NOX4: variants seen among roughly 807,000 people sequenced by gnomAD.
The protein encoded by NOX4 is NADPH oxidase 4.
Under a neutral mutation model 87.6 loss-of-function variants are expected in NOX4, and 69 were observed. The ratio of observed to expected loss-of-function variants is 0.79; its 90% confidence interval spans 0.65 to 0.96. The LOEUF is 0.96. Ranked by LOEUF, NOX4 falls within the 40% of genes least tolerant of loss-of-function variation. NOX4 has a pLI of 0.00. For synonymous variants in NOX4, 275 were observed against 238.2 expected (o/e 1.15, Z -1.42); for missense variants, 680 against 681.5 (o/e 1.00, Z 0.02).
chr11:89,544,098 T>C, the NOX4 span, among the ~76,000 whole-genome samples: 1 of 152,090 alleles, frequency 6.6e-6, no homozygotes, highest in African/African-American at 2.4e-5. Flanking sequence ...TTAAACCCTG[T>C]GTTGGTAAAA....
At chr11:89,502,157 G>T (rs1947029135), upstream of NOX4, among the ~76,000 whole-genome samples, 1 of 151,666 alleles carries the variant, frequency 6.6e-6, no homozygotes, top group South Asian at 2.1e-4. Flanking sequence ...GAAAGATGAG[G>T]GTGCATGGAC....
intron 8 of NOX4, among the ~76,000 whole-genome samples, chr11:89,409,998 G>T (rs976103106): frequency 5.3e-5 from 8 of 152,106 alleles, no homozygotes; most frequent in Admixed American, 4.6e-4. Flanking sequence ...GAGCTGGGAG[G>T]ATTACTTGAG....
chr11:89,401,768 A>G (rs1941868116), intron 9 of NOX4, among the ~76,000 whole-genome samples: 1 of 152,148 alleles, frequency 6.6e-6, no homozygotes, highest in Non-Finnish European at 1.5e-5. Context: ...TCTTTATCAG[A>G]AAATCGAGGG....
At chr11:89,565,871 A>G in the NOX4 span, among the ~76,000 whole-genome samples, 1 of 152,066 alleles carries the variant, frequency 6.6e-6, no homozygotes, top group Non-Finnish European at 1.5e-5. Flanking sequence ...ATAAAAGTAA[A>G]TTACATTAAT....
intron 6 of NOX4, among the ~76,000 whole-genome samples, chr11:89,439,661 T>G (rs1944371117): frequency 6.6e-6 from 1 of 152,186 alleles, no homozygotes; most frequent in Admixed American, 6.6e-5. Context: ...CCCTGAAATA[T>G]GTGCTAAAAA....
intron 13 of NOX4, among the ~76,000 whole-genome samples, chr11:89,351,789 T>A (rs1379458565): frequency 2.0e-5 from 3 of 152,068 alleles, no homozygotes; most frequent in African/African-American, 7.2e-5. Context: ...CTATCCAAAG[T>A]GTTACTACTC....
chr11:89,490,932 C>T (rs1946826864), intron 1 of NOX4: 2 of 697,134 alleles, frequency 2.9e-6, no homozygotes, highest in Non-Finnish European at 2.6e-6. Flanking sequence ...GCTGTATTCA[C>T]GGAAAATGAC....
chr11:89,356,116 T>G (rs984138669), intron 12 of NOX4, among the ~76,000 whole-genome samples: 4 of 152,092 alleles, frequency 2.6e-5, no homozygotes, highest in African/African-American at 7.2e-5. Flanking sequence ...TATTTAAGTA[T>G]GATATATATG....
At chr11:89,502,361 T>G (rs1453917354), upstream of NOX4, among the ~76,000 whole-genome samples, 1 of 152,056 alleles carries the variant, frequency 6.6e-6, no homozygotes, top group Non-Finnish European at 1.5e-5. Flanking sequence ...TGGGTTAAAC[T>G]TTCTAGTCTT....
At chr11:89,447,967 T>A (rs551282780) in intron 4 of NOX4, among the ~76,000 whole-genome samples, 4 of 152,112 alleles carry the variant, frequency 2.6e-5, no homozygotes, top group Non-Finnish European at 4.4e-5. Flanking sequence ...TTTTACCAAG[T>A]TAAAAGTAAA....
In NOX4 at chr11:89,325,921, G is replaced by GTATATATATA. The variant is rs1162965181; in HGVS notation, c.*834_*835insTATATATATA. The GTATATATATA allele has an allele frequency of 1.4e-5, 2 of 147,776 alleles. No individual in the cohort carries two copies. The highest frequency in any genetic ancestry group is 3.0e-5 in the Non-Finnish European group (2 of 67,142). The allele number at this position is 147,776 out of a possible 1,614,324, so 9.2% of individuals were successfully genotyped here. ...TATATATATATATATGTGTGTGTGT[G>GTATATATATA]TGTATATATATATGTGTATATACAT... On this transcript the variant is annotated 3_prime_UTR_variant, in exon 18 of 18. Coordinates refer to ENST00000263317, the MANE Select transcript of NOX4 (RefSeq NM_016931.5).
At chr11:89,578,678 T>G in the NOX4 span, among the ~76,000 whole-genome samples, 4 of 152,168 alleles carry the variant, frequency 2.6e-5, no homozygotes, top group Admixed American at 2.6e-4. Context: ...CCTCAATTAA[T>G]GTTGAATTCA....
intron 12 of NOX4, among the ~76,000 whole-genome samples, chr11:89,366,459 C>T (rs931979206): frequency 2.0e-5 from 3 of 152,034 alleles, no homozygotes; most frequent in Non-Finnish European, 2.9e-5. Flanking sequence ...GGGCTGATCG[C>T]TCGAGCCCAG....
the NOX4 span, among the ~76,000 whole-genome samples, chr11:89,529,206 A>G: frequency 1.3e-5 from 2 of 152,210 alleles, no homozygotes; most frequent in Admixed American, 1.3e-4. Flanking sequence ...TCCCTCTCTC[A>G]GTGTCCTCAA....
At chr11:89,486,590 G>A (rs1369148025) in intron 2 of NOX4, among the ~76,000 whole-genome samples, 1 of 133,868 alleles carries the variant, frequency 7.5e-6, no homozygotes, top group Admixed American at 7.2e-5. Context: ...GTGTATATAT[G>A]TGTATATATA....
rs757036837 is a variant in NOX4 at position 89,342,111 on chromosome 11, C to T, written c.1300G>A (p.Gly434Arg). The part of the protein sequence containing the change: ...EVSLCVAGGI[G>R]VTPFASILNT... Reference sequence around the variant, plus strand: ...AGTATTGATGCAAATGGAGTTACTCCAATGCCTCCAGCCACGCAGAGGCTG... The same window carrying T: ...AGTATTGATGCAAATGGAGTTACTCTAATGCCTCCAGCCACGCAGAGGCTG... The change falls in exon 14 of 18, where the codon GGA becomes AGA. Residue 434 changes from glycine (G) to arginine (R), a missense_variant. Gly to Arg is a moderately radical substitution (Grantham distance 125). Coordinates refer to ENST00000263317, the MANE Select transcript of NOX4 (RefSeq NM_016931.5). 6.2e-7 allele frequency: 1 copy of T among 1,613,192 alleles called. No individual in the cohort carries two copies. Among genetic ancestry groups the T allele is most frequent in the Non-Finnish European group, 8.5e-7 (1 of 1,179,286 alleles).
intron 7 of NOX4, among the ~76,000 whole-genome samples, chr11:89,431,150 G>GTA (rs1358771109): frequency 2.0e-5 from 3 of 152,030 alleles, no homozygotes; most frequent in African/African-American, 7.2e-5. Context: ...CTGGCTAGTT[G>GTA]TATGTAGAAA....
intron 6 of NOX4, among the ~76,000 whole-genome samples, chr11:89,433,519 C>T (rs1215312710): frequency 6.6e-6 from 1 of 152,030 alleles, no homozygotes; most frequent in Non-Finnish European, 1.5e-5. Flanking sequence ...TCTTATGAAA[C>T]TAAGCAGTGC....
At chr11:89,355,729 C>T (rs1208907138) in intron 12 of NOX4, among the ~76,000 whole-genome samples, 4 of 152,108 alleles carry the variant, frequency 2.6e-5, no homozygotes, top group Middle Eastern at 3.2e-3. Flanking sequence ...GGTACAATAG[C>T]TATTGAAGAC....
Sources: allele counts gnomAD v4.1 joint callset (sites outside exome capture counted in the v4.1 genomes callset), GRCh38; gene constraint gnomAD v4.1.1; transcripts MANE v1.5; gene names NCBI Gene and HGNC (gene_info 2026-07-23, HGNC 2026-07-21).